PRMT8: variants seen among roughly 807,000 people sequenced by gnomAD.
The protein encoded by PRMT8 is protein arginine N-methyltransferase 8.
Under a neutral mutation model 47.1 loss-of-function variants are expected in PRMT8, and 7 were observed. The observed-to-expected ratio is 0.15, with a 90% confidence interval of 0.08 to 0.28. The LOEUF (loss-of-function observed/expected upper bound fraction) is 0.28, where lower values mean the gene tolerates loss of function less well. Ranked by LOEUF, PRMT8 falls within the 10% of genes least tolerant of loss-of-function variation. The pLI, the probability that PRMT8 is intolerant of heterozygous loss-of-function variation, is 1.00. For missense variants in PRMT8, 237 were observed against 505.4 expected (o/e 0.47, Z 5.09); for synonymous variants, 188 against 186.5 (o/e 1.01, Z -0.07).
At chr12:3,484,505 C>A (rs865938639) in intron 1 of PRMT8, among the ~76,000 whole-genome samples, 3 of 152,208 alleles carry the variant, frequency 2.0e-5, no homozygotes, top group African/African-American at 7.2e-5. Context: ...TCTTTTAGGA[C>A]GAGCTGAAGA....
chr12:3,408,974 G>A (rs910218119), intron 1 of PRMT8, among the ~76,000 whole-genome samples: 2 of 152,234 alleles, frequency 1.3e-5, no homozygotes, highest in African/African-American at 4.8e-5. Flanking sequence ...AGTTTTAGAT[G>A]AGGGTATCCT....
chr12:3,512,648 C>T (rs1172649172), intron 1 of PRMT8, among the ~76,000 whole-genome samples: 1 of 152,214 alleles, frequency 6.6e-6, no homozygotes, highest in Non-Finnish European at 1.5e-5. Flanking sequence ...ACGTCCATCT[C>T]CTTCTCTCTA....
chr12:3,402,387 A>G lies in PRMT8; in HGVS notation c.48+20945A>G, dbSNP rs117835472. Among the ~76,000 whole-genome samples the G allele has an allele frequency of 5.1e-4, 77 of 152,344 alleles. No homozygotes were observed. The East Asian group carries it at 0.015, about 29-fold the overall frequency. On this transcript the variant is annotated intron_variant, in intron 1 of 9. Coordinates refer to the PRMT8 transcript ENST00000452611. ...CTATGAAAGCCATAGGAGAGGATCTAGGCAATGCCATTCAGGACATAGGCA... is the reference window on the plus strand; with the variant it reads ...CTATGAAAGCCATAGGAGAGGATCTGGGCAATGCCATTCAGGACATAGGCA...
intron 4 of PRMT8, among the ~76,000 whole-genome samples, chr12:3,561,638 T>C (rs530479945): frequency 6.6e-5 from 10 of 152,160 alleles, no homozygotes; most frequent in Non-Finnish European, 1.5e-4. Context: ...TGCAGCCAAG[T>C]CATGAATCCA....
upstream of PRMT8, among the ~76,000 whole-genome samples, chr12:3,488,109 G>T (rs1865339394): frequency 6.6e-6 from 1 of 152,126 alleles, no homozygotes; most frequent in African/African-American, 2.4e-5. Context: ...GCAATTCCTT[G>T]TGTTTTTGTT....
chr12:3,487,214 C>T (rs533634774), upstream of PRMT8, among the ~76,000 whole-genome samples: 1 of 152,302 alleles, frequency 6.6e-6, no homozygotes, highest in South Asian at 2.1e-4. Flanking sequence ...CTGCAGTGTG[C>T]TGTGGCCATA....
intron 2 of PRMT8, among the ~76,000 whole-genome samples, chr12:3,543,242 C>A (rs1473158577): frequency 6.6e-6 from 1 of 152,158 alleles, no homozygotes; most frequent in Non-Finnish European, 1.5e-5. Context: ...AACCTTCCTT[C>A]CCCCCGAGGT....
intron 1 of PRMT8, among the ~76,000 whole-genome samples, chr12:3,476,642 G>A (rs756906114): frequency 2.6e-5 from 4 of 152,160 alleles, no homozygotes; most frequent in Non-Finnish European, 5.9e-5. Flanking sequence ...GACTGGATGA[G>A]TCATTGCAAA....
chr12:3,413,597 AC>A (rs2137057245), intron 1 of PRMT8, among the ~76,000 whole-genome samples: 1 of 152,272 alleles, frequency 6.6e-6, no homozygotes, highest in South Asian at 2.1e-4. Flanking sequence ...CTTCTCCAGG[AC>A]TACCACAAAC....
At chr12:3,466,462 A>T (rs894006108) in intron 1 of PRMT8, among the ~76,000 whole-genome samples, 1 of 152,174 alleles carries the variant, frequency 6.6e-6, no homozygotes, top group African/African-American at 2.4e-5. Context: ...CAAGTCAGTT[A>T]ACCTCTCTGA....
chr12:3,402,659 A>G (rs1864329763), intron 1 of PRMT8, among the ~76,000 whole-genome samples: 1 of 152,252 alleles, frequency 6.6e-6, no homozygotes, highest in South Asian at 2.1e-4. Context: ...AAAGTGGGCA[A>G]AGAACACAAA....
At chr12:3,405,651 A>G (rs1202364486) in intron 1 of PRMT8, among the ~76,000 whole-genome samples, 1 of 152,232 alleles carries the variant, frequency 6.6e-6, no homozygotes. Flanking sequence ...GCCTCATAGA[A>G]GTCCAAAATC....
At chr12:3,388,688 A>G (rs1361224060) in intron 1 of PRMT8, among the ~76,000 whole-genome samples, 1 of 152,180 alleles carries the variant, frequency 6.6e-6, no homozygotes, top group Non-Finnish European at 1.5e-5. Flanking sequence ...AATAAGGGAC[A>G]GAGCTGAGAT....
At chr12:3,418,654 C>G (rs1864507869) in intron 1 of PRMT8, among the ~76,000 whole-genome samples, 1 of 152,234 alleles carries the variant, frequency 6.6e-6, no homozygotes, top group African/African-American at 2.4e-5. Flanking sequence ...TCAACTTTGA[C>G]TCTAGCTACC....
At chr12:3,461,624 CCTT>C (rs1266455145) in intron 1 of PRMT8, among the ~76,000 whole-genome samples, 6 of 152,200 alleles carry the variant, frequency 3.9e-5, no homozygotes, top group Admixed American at 1.3e-4. Context: ...GACACAAGCT[CCTT>C]CTTCTGAGCG....
At chr12:3,440,104 G>A (rs1193616800) in intron 1 of PRMT8, among the ~76,000 whole-genome samples, 2 of 152,208 alleles carry the variant, frequency 1.3e-5, no homozygotes, top group Non-Finnish European at 2.9e-5. Context: ...TCCCCACACA[G>A]ACCATTAAGG....
chr12:3,459,044 G>A (rs1865007941), intron 1 of PRMT8, among the ~76,000 whole-genome samples: 1 of 152,200 alleles, frequency 6.6e-6, no homozygotes, highest in Non-Finnish European at 1.5e-5. Context: ...GTTTGTTCCT[G>A]TTAAGGTGTT....
rs370749749 is a variant in PRMT8, at chr12:3,589,779, C to A, written c.980-2452C>A. On this transcript the variant is annotated intron_variant, in intron 8 of 9. Coordinates refer to ENST00000382622, the MANE Select transcript of PRMT8 (RefSeq NM_019854.5). ...CAAAGTCGGCATGTTTTGGGGACTA[C>A]CATCAGAGGCAGACCCCATGGCTGA... is the stretch of plus-strand genomic sequence containing the variant. 2.6e-5 allele frequency among the ~76,000 whole-genome samples: 4 copies of A among 152,136 alleles called. No homozygotes were observed. In the East Asian group the frequency reaches 5.8e-4, roughly 22 times the overall value.
chr12:3,468,705 T>G (rs1211399776), intron 1 of PRMT8, among the ~76,000 whole-genome samples: 4 of 152,264 alleles, frequency 2.6e-5, no homozygotes, highest in African/African-American at 7.2e-5. Context: ...AATACTTATC[T>G]GGGGCCCACT....
Sources: allele counts gnomAD v4.1 joint callset (sites outside exome capture counted in the v4.1 genomes callset), GRCh38; gene constraint gnomAD v4.1.1; transcripts MANE v1.5; gene names NCBI Gene and HGNC (gene_info 2026-07-23, HGNC 2026-07-21).